Variants in ARHGEF4 observed in about 807,000 individuals in gnomAD.
ARHGEF4 encodes the protein APC-stimulated guanine nucleotide exchange factor 1.
Under a neutral mutation model 162.0 loss-of-function variants are expected in ARHGEF4, and 119 were observed. The observed-to-expected ratio is 0.73, with a 90% CI of 0.63 to 0.86. The LOEUF (loss-of-function observed/expected upper bound fraction) is 0.86, where lower values mean the gene tolerates loss of function less well. Among genes scored for constraint, ARHGEF4 ranks in the 40% least tolerant of loss-of-function variants. The probability of loss-of-function intolerance (pLI) is 0.00; values close to 1 mark genes in which losing one functional copy is unlikely to be tolerated. For synonymous variants in ARHGEF4, 1,014 were observed against 979.9 expected, an observed-to-expected ratio of 1.03 and a Z score of -0.65; for missense variants, 2,488 against 2,456.0, an observed-to-expected ratio of 1.01 and a Z score of -0.28.
At chr2:131,028,283 T>TC (rs1689614020) in intron 5 of ARHGEF4, among the ~76,000 whole-genome samples, 199 bp downstream of exon 5, 2 of 152,230 alleles carry the variant, frequency 1.3e-5, no homozygotes, top group Non-Finnish European at 2.9e-5. Context: ...AACACAGGAC[T>TC]CCCTGTGCCC....
rs553318960 is a variant in ARHGEF4 at position 131,038,654 on chromosome 2, G to GCCTTGATAAT, written c.4126-197_4126-188dup. ...AGTTCACTTCCGGCTCCATCACTGA[G>GCCTTGATAAT]CCTTGATAATCTAGACATGCCCAGA... On this transcript the variant is annotated intron_variant, in intron 5 of 13. Coordinates refer to ENST00000409359, the MANE Select transcript of ARHGEF4 (RefSeq NM_001367493.1). Among the ~76,000 whole-genome samples the GCCTTGATAAT allele has an allele frequency of 2.2e-4, 33 of 152,344 alleles. No homozygotes were observed. In the East Asian group the frequency reaches 2.7e-3, roughly 12 times the overall value.
At chr2:131,014,912 G>A (rs1202298723) in intron 4 of ARHGEF4, among the ~76,000 whole-genome samples, 3 of 152,148 alleles carry the variant, frequency 2.0e-5, no homozygotes, top group African/African-American at 7.2e-5. Flanking sequence ...GGGCAGGAGA[G>A]GTGTGGAGAG....
rs554665065 is a variant in ARHGEF4, at chr2:131,002,688, C to T, written c.3986-25257C>T. On this transcript the variant is annotated intron_variant, in intron 4 of 13. Coordinates refer to ENST00000409359, the MANE Select transcript of ARHGEF4 (RefSeq NM_001367493.1). Reference sequence around the variant, plus strand: ...TCGCACCACTGCACTCCAGCCTGGGCGACAGAGCGAGACTCCGTCTCAAAA... The same window carrying T: ...TCGCACCACTGCACTCCAGCCTGGGTGACAGAGCGAGACTCCGTCTCAAAA... 2.9e-4 allele frequency among the ~76,000 whole-genome samples: 34 copies of T among 117,220 alleles called. 1 individual carries two copies. Among genetic ancestry groups the T allele is most frequent in the African/African-American group, 9.7e-4 (31 of 32,060 alleles). The allele number at this position is 117,220 out of a possible 152,430, so 76.9% of individuals were successfully genotyped here.
chr2:130,979,754 A>AC lies in ARHGEF4; in HGVS notation c.3985+33119_3985+33120insC, dbSNP rs1264005036. On this transcript the variant is annotated intron_variant, in intron 4 of 13. Coordinates refer to ENST00000409359, the MANE Select transcript of ARHGEF4 (RefSeq NM_001367493.1). ...CCATCTAAAAAAAAAAAAAAAAAAA[A>AC]AACCTGAAATTTTGCTGTTAGAAAA... 4.0e-5 allele frequency among the ~76,000 whole-genome samples: 6 copies of AC among 150,274 alleles called. No individual in the cohort carries two copies. The East Asian group carries it at 9.7e-4, about 24-fold the overall frequency.
At chr2:130,932,480 A>G (rs1001011203) in intron 3 of ARHGEF4, among the ~76,000 whole-genome samples, 1 of 152,188 alleles carries the variant, frequency 6.6e-6, no homozygotes, top group Admixed American at 6.5e-5. Flanking sequence ...AAGTGCTGGG[A>G]TTACAGGCAT....
At chr2:130,996,008 G>C (rs527369336) in intron 4 of ARHGEF4, among the ~76,000 whole-genome samples, 19 of 151,486 alleles carry the variant, frequency 1.3e-4, no homozygotes, top group African/African-American at 4.6e-4. Flanking sequence ...TCCTGCCTCA[G>C]CCTCCTGAGT....
chr2:131,024,566 C>T (rs1418037420), intron 4 of ARHGEF4, among the ~76,000 whole-genome samples: 3 of 152,130 alleles, frequency 2.0e-5, no homozygotes, highest in Non-Finnish European at 2.9e-5. Context: ...TGAGCCACCG[C>T]ACCTGCCAAT....
chr2:131,016,962 G>A (rs562021078), intron 4 of ARHGEF4, among the ~76,000 whole-genome samples: 2 of 152,342 alleles, frequency 1.3e-5, no homozygotes, highest in South Asian at 2.1e-4. Flanking sequence ...AGAGGCAAAG[G>A]CACCCTCACT....
chr2:130,939,857 T>C (rs1488383213), intron 3 of ARHGEF4, among the ~76,000 whole-genome samples: 1 of 152,246 alleles, frequency 6.6e-6, no homozygotes, highest in Non-Finnish European at 1.5e-5. Context: ...ATTACAAATA[T>C]TGTGTTTTAA....
rs1180640154 is a variant in ARHGEF4, at chr2:130,864,000, C to T, written c.39+27008C>T. 2.8e-3 allele frequency among the ~76,000 whole-genome samples: 379 copies of T among 136,262 alleles called. 2 individuals are homozygous for T. The highest frequency in any genetic ancestry group is 9.4e-3 in the African/African-American group (338 of 36,064). The allele number at this position is 136,262 out of a possible 152,430, so 89.4% of individuals were successfully genotyped here. A position where few individuals can be genotyped will look rare whatever the true frequency, so the allele number is the denominator to read the frequency against. On this transcript the variant is annotated intron_variant, in intron 1 of 13. Coordinates refer to ENST00000409359, the MANE Select transcript of ARHGEF4 (RefSeq NM_001367493.1). ...GAGATCGAGACCATCCTGGCAAACA[C>T]GGTGAAACCCCGTCTCTACTAAAAA...
chr2:130,982,929 AC>A (rs1274871392), intron 4 of ARHGEF4, among the ~76,000 whole-genome samples: 1 of 152,180 alleles, frequency 6.6e-6, no homozygotes, highest in Non-Finnish European at 1.5e-5. Context: ...ATCCTTAGTA[AC>A]CTTAAATTTT....
chr2:130,853,444 T>G (rs1404973342), intron 1 of ARHGEF4, among the ~76,000 whole-genome samples: 1 of 152,192 alleles, frequency 6.6e-6, no homozygotes, highest in African/African-American at 2.4e-5. Context: ...CACCTCTCCC[T>G]TCCTTTCTGA....
chr2:130,923,222 G>A (rs1010361652), intron 2 of ARHGEF4, among the ~76,000 whole-genome samples: 7 of 152,120 alleles, frequency 4.6e-5, no homozygotes, highest in Non-Finnish European at 7.4e-5. Flanking sequence ...GAGCCATCGC[G>A]CCTGGGCATA....
chr2:130,994,639 G>C (rs550157917), intron 4 of ARHGEF4, among the ~76,000 whole-genome samples: 123 of 152,066 alleles, frequency 8.1e-4, no homozygotes, highest in African/African-American at 2.5e-3. Context: ...GCTCTTCATT[G>C]CTTCCTGAAT....
chr2:130,868,698 T>C (rs181800424), intron 1 of ARHGEF4, among the ~76,000 whole-genome samples: 1 of 152,304 alleles, frequency 6.6e-6, no homozygotes, highest in South Asian at 2.1e-4. Flanking sequence ...AAAGTATGAC[T>C]TTCCTGTAGC....
intron 4 of ARHGEF4, among the ~76,000 whole-genome samples, chr2:130,993,557 T>C (rs1687189484): frequency 6.6e-6 from 1 of 152,148 alleles, no homozygotes. Context: ...GTAGGATTTT[T>C]ATTTTTTTCT....
chr2:131,000,728 C>G (rs1175156069), intron 4 of ARHGEF4, among the ~76,000 whole-genome samples: 1 of 151,790 alleles, frequency 6.6e-6, no homozygotes, highest in East Asian at 1.9e-4. Context: ...GAAACTGAAG[C>G]AAGCCACAGT....
chr2:131,043,690 C>G, intron 11 of ARHGEF4, 107 bp downstream of exon 11: 4 of 1,534,292 alleles, frequency 2.6e-6, no homozygotes, highest in Non-Finnish European at 3.6e-6. Flanking sequence ...AGACCATACC[C>G]GGGGAGCCTG....
At chr2:130,945,807 C>T (rs775003377) in intron 3 of ARHGEF4, among the ~76,000 whole-genome samples, 2 of 152,082 alleles carry the variant, frequency 1.3e-5, no homozygotes, top group East Asian at 1.9e-4. Flanking sequence ...TGTGCAACTC[C>T]GTCTTTATCA....
Sources: allele counts gnomAD v4.1 joint callset (sites outside exome capture counted in the v4.1 genomes callset), GRCh38; gene constraint gnomAD v4.1.1; transcripts MANE v1.5; gene names NCBI Gene and HGNC (gene_info 2026-07-23, HGNC 2026-07-21).